Variants in TLK2 observed in about 807,000 individuals in gnomAD.
TLK2 encodes tousled like kinase 2, also known as serine/threonine-protein kinase tousled-like 2.
Under a neutral mutation model 117.3 loss-of-function variants are expected in TLK2, and 6 were observed. That is an observed-to-expected ratio of 0.05 (90% CI 0.03 to 0.10). The LOEUF (loss-of-function observed/expected upper bound fraction) is 0.10. TLK2 is among the 10% of genes least tolerant of loss of function. The pLI, the probability that TLK2 is intolerant of heterozygous loss-of-function variation, is 1.00. For synonymous variants in TLK2, 257 were observed against 316.7 expected (o/e 0.81, Z 2.00); for missense variants, 299 against 901.2 (o/e 0.33, Z 8.56).
intron 9 of TLK2, among the ~76,000 whole-genome samples, chr17:62,558,040 G>A (rs937151382): frequency 2.0e-5 from 3 of 152,116 alleles, no homozygotes; most frequent in Admixed American, 6.6e-5. Context: ...CTAGAGGATC[G>A]ACAGTGAGGG....
At position 62,596,072 on chromosome 17, in the gene TLK2, G is replaced by GTTATT. The variant is rs907338548; in HGVS notation, c.1461-495_1461-491dup. Among the ~76,000 whole-genome samples the GTTATT allele has an allele frequency of 5.9e-5, 9 of 152,164 alleles. No individual in the cohort carries two copies. In the East Asian group the frequency reaches 7.7e-4, roughly 13 times the overall value. ...TCACTTAACAAATATTTGAGCACCT[G>GTTATT]TTATTTTATTTTATTTTATTTTTGG... On this transcript the variant is annotated intron_variant, in intron 16 of 21. Transcript: ENST00000346027.
chr17:62,515,275 A>T (rs538628760), intron 2 of TLK2, among the ~76,000 whole-genome samples: 5 of 152,328 alleles, frequency 3.3e-5, no homozygotes, highest in African/African-American at 1.2e-4. Flanking sequence ...ATTGTGAATA[A>T]TACTGCCGTG....
At chr17:62,489,984 C>T (rs1378761514) in intron 2 of TLK2, among the ~76,000 whole-genome samples, 1 of 152,162 alleles carries the variant, frequency 6.6e-6, no homozygotes, top group Non-Finnish European at 1.5e-5. Flanking sequence ...GCGCCCACCA[C>T]CACGCCTGGC....
intron 3 of TLK2, among the ~76,000 whole-genome samples, chr17:62,521,105 A>G (rs2145529981): frequency 6.6e-6 from 1 of 152,240 alleles, no homozygotes; most frequent in Non-Finnish European, 1.5e-5. Context: ...GGCTGCAGTG[A>G]GCTGTGATGG....
chr17:62,557,988 G>A (rs1233547948), intron 9 of TLK2, among the ~76,000 whole-genome samples: 1 of 152,148 alleles, frequency 6.6e-6, no homozygotes, highest in East Asian at 1.9e-4. Context: ...GAGGGCAGCT[G>A]CCTTGTTTTT....
intron 2 of TLK2, among the ~76,000 whole-genome samples, chr17:62,508,103 T>C (rs1251346910): frequency 6.6e-6 from 1 of 151,770 alleles, no homozygotes; most frequent in Non-Finnish European, 1.5e-5. Context: ...CAAATCAGAC[T>C]AGTTAAATTT....
At chr17:62,568,191 G>A (rs905967362) in intron 11 of TLK2, among the ~76,000 whole-genome samples, 1 of 152,018 alleles carries the variant, frequency 6.6e-6, no homozygotes, top group Non-Finnish European at 1.5e-5. Flanking sequence ...CAGCACTTTG[G>A]GAGGCTGAGA....
At chr17:62,589,960 C>G (rs1222998800) in intron 16 of TLK2, among the ~76,000 whole-genome samples, 1 of 151,630 alleles carries the variant, frequency 6.6e-6, no homozygotes, top group Non-Finnish European at 1.5e-5. Context: ...GTGCCTGCCA[C>G]CAAGCCTGGC....
intron 7 of TLK2, among the ~76,000 whole-genome samples, chr17:62,542,332 G>A (rs1407349785): frequency 6.6e-6 from 1 of 152,122 alleles, no homozygotes; most frequent in African/African-American, 2.4e-5. Flanking sequence ...TGTTGCCTAG[G>A]CTGGTCTTGA....
chr17:62,578,595 T>A, intron 14 of TLK2, 21 bp downstream of exon 14: 1 of 1,584,052 alleles, frequency 6.3e-7, no homozygotes. Flanking sequence ...TCAGGGCATA[T>A]TGGGTTGGAG....
At chr17:62,567,822 T>A (rs1048655200) in intron 11 of TLK2, among the ~76,000 whole-genome samples, 1 of 152,082 alleles carries the variant, frequency 6.6e-6, no homozygotes, top group Non-Finnish European at 1.5e-5. Flanking sequence ...TTTGTTGTTG[T>A]TGTTATTTTT....
intron 2 of TLK2, among the ~76,000 whole-genome samples, chr17:62,513,837 G>T (rs2075350380): frequency 6.6e-6 from 1 of 151,828 alleles, no homozygotes; most frequent in Non-Finnish European, 1.5e-5. Flanking sequence ...ACAGGCACCT[G>T]CCACCACGTC....
At chr17:62,522,015 T>G (rs1362013887) in intron 3 of TLK2, among the ~76,000 whole-genome samples, 189 bp from the exon 4 acceptor site, 1 of 152,166 alleles carries the variant, frequency 6.6e-6, no homozygotes, top group Non-Finnish European at 1.5e-5. Context: ...CCAAAAATTG[T>G]GTGGATGGTT....
chr17:62,508,828 C>T (rs1312661837), intron 2 of TLK2, among the ~76,000 whole-genome samples: 1 of 151,962 alleles, frequency 6.6e-6, no homozygotes, highest in African/African-American at 2.4e-5. Flanking sequence ...ATTAGCCAAG[C>T]GTGGTGGTGT....
chr17:62,613,186 T>G lies in TLK2; in HGVS notation c.*621T>G, dbSNP rs1408241143. The G allele has an allele frequency of 1.3e-5, 2 of 152,628 alleles. No homozygotes were observed. Among genetic ancestry groups the G allele is most frequent in the Admixed American group, 6.5e-5 (1 of 15,282 alleles). 9.5% of individuals were successfully genotyped at this position (152,628 alleles called of 1,614,324 possible). On this transcript the variant is annotated 3_prime_UTR_variant, in exon 22 of 22. Transcript: ENST00000346027. ...CTTTTTTATTTTTGAAAGAATACAT[T>G]TGGTCATAAAGTGAAACCCGTATTA...
At chr17:62,488,648 C>A (rs1420849655) in intron 2 of TLK2, among the ~76,000 whole-genome samples, 1 of 152,156 alleles carries the variant, frequency 6.6e-6, no homozygotes, top group Non-Finnish European at 1.5e-5. Flanking sequence ...CCCATTGCTA[C>A]TGCCTTAATC....
At chr17:62,562,446 CTT>C (rs1167794688) in intron 10 of TLK2, among the ~76,000 whole-genome samples, 8 of 152,078 alleles carry the variant, frequency 5.3e-5, no homozygotes, top group South Asian at 2.1e-4. Flanking sequence ...TTTTAAAACT[CTT>C]ATAACTTAAT....
chr17:62,489,072 G>T (rs1021615357), intron 2 of TLK2, among the ~76,000 whole-genome samples: 6 of 151,894 alleles, frequency 4.0e-5, no homozygotes, highest in Non-Finnish European at 8.8e-5. Flanking sequence ...ATTTTTTGTA[G>T]AAACAGTTTT....
chr17:62,539,583 G>A (rs2077362989), intron 7 of TLK2, among the ~76,000 whole-genome samples: 3 of 150,384 alleles, frequency 2.0e-5, no homozygotes, highest in South Asian at 2.1e-4. Flanking sequence ...GGGCTCAAGC[G>A]ATTTCCCCAC....
Sources: allele counts gnomAD v4.1 joint callset (sites outside exome capture counted in the v4.1 genomes callset), GRCh38; gene constraint gnomAD v4.1.1; transcripts MANE v1.5; gene names NCBI Gene and HGNC (gene_info 2026-07-23, HGNC 2026-07-21).